Variants in MTREX observed in about 807,000 individuals in gnomAD.
MTREX encodes the protein Mtr4 exosome RNA helicase.
In MTREX, 76 loss-of-function variants were observed where a neutral mutation model predicts 135.4. That is an observed-to-expected ratio of 0.56 (90% CI 0.47 to 0.68). MTREX has a LOEUF of 0.68. MTREX is among the 30% of genes least tolerant of loss of function. MTREX has a pLI of 0.00. For synonymous variants in MTREX, 404 were observed against 401.6 expected (o/e 1.01, Z -0.07); for missense variants, 920 against 1,262.1 (o/e 0.73, Z 4.11).
chr5:55,408,283 C>T (rs1333667408), intron 22 of MTREX, among the ~76,000 whole-genome samples: 1 of 152,154 alleles, frequency 6.6e-6, no homozygotes, highest in Non-Finnish European at 1.5e-5. Context: ...CTCTGAACTT[C>T]TTCAATCTGG....
intron 2 of MTREX, among the ~76,000 whole-genome samples, chr5:55,323,181 A>G (rs879113754): frequency 1.3e-5 from 2 of 152,070 alleles, no homozygotes; most frequent in Admixed American, 1.3e-4. Flanking sequence ...AAGATGCACC[A>G]TTTTCCCAGG....
At chr5:55,383,076 A>G (rs2112103912) in intron 18 of MTREX, among the ~76,000 whole-genome samples, 1 of 152,290 alleles carries the variant, frequency 6.6e-6, no homozygotes, top group East Asian at 1.9e-4. Flanking sequence ...TACTGCCTTA[A>G]CCTTAAACAG....
At chr5:55,405,855 T>C (rs891049271) in intron 22 of MTREX, among the ~76,000 whole-genome samples, 1 of 152,172 alleles carries the variant, frequency 6.6e-6, no homozygotes, top group Non-Finnish European at 1.5e-5. Flanking sequence ...ATTGAGAAAT[T>C]AGAAAAATCT....
In MTREX at chr5:55,365,612, T is replaced by C. The variant is rs1394373383; in HGVS notation, c.1660-1113T>C. 2.6e-5 allele frequency among the ~76,000 whole-genome samples: 4 copies of C among 152,232 alleles called. No individual in the cohort carries two copies. In the East Asian group the frequency reaches 5.8e-4, roughly 22 times the overall value. On this transcript the variant is annotated intron_variant, in intron 15 of 26. Transcript: ENST00000230640. ...ATAGTGATACTGCACTTCTAAATGTTTCTACATGTATCGTCCGAGAATTTG... is the reference window on the plus strand; with the variant it reads ...ATAGTGATACTGCACTTCTAAATGTCTCTACATGTATCGTCCGAGAATTTG...
rs761926439 is a variant in MTREX at position 55,379,129 on chromosome 5, A to G, written c.1986A>G (p.Val662=). The change falls in exon 18 of 27, where the codon GTA becomes GTG. Residue 662 remains valine, a splice_region_variant and synonymous_variant. Transcript: ENST00000230640. ...PFLQPGRLVK[V]KNEGDDFGWG... is the part of the protein sequence containing the mutation. ...TACTTGCTTTTCTTTCTTTTTAGGT[A>G]AAGAATGAAGGAGATGACTTTGGCT... 3.7e-6 allele frequency: 6 copies of G among 1,607,324 alleles called. No homozygotes were observed. Among genetic ancestry groups the G allele is most frequent in the Non-Finnish European group, 5.1e-6 (6 of 1,176,112 alleles).
intron 18 of MTREX, among the ~76,000 whole-genome samples, chr5:55,381,135 A>AC (rs2112102050): frequency 6.6e-6 from 1 of 152,000 alleles, no homozygotes; most frequent in South Asian, 2.1e-4. Flanking sequence ...TTCATATCTG[A>AC]CCTAGTAGTT....
At chr5:55,343,784 T>C (rs1428319179) in intron 8 of MTREX, among the ~76,000 whole-genome samples, 1 of 152,174 alleles carries the variant, frequency 6.6e-6, no homozygotes, top group Non-Finnish European at 1.5e-5. Context: ...TATCCATGAG[T>C]ACACAGAATT....
chr5:55,325,342 T>TTG (rs1749360699), intron 3 of MTREX, among the ~76,000 whole-genome samples: 1 of 149,684 alleles, frequency 6.7e-6, no homozygotes, highest in African/African-American at 2.5e-5. Flanking sequence ...TTTTTTTGTT[T>TTG]TTTTTTTTTT....
chr5:55,332,313 T>TA (rs1223036136), intron 5 of MTREX, among the ~76,000 whole-genome samples: 1 of 152,220 alleles, frequency 6.6e-6, no homozygotes, highest in Non-Finnish European at 1.5e-5. Flanking sequence ...ATTTATAACA[T>TA]ATTTCTCTAT....
At position 55,324,158 on chromosome 5, in the gene MTREX, A is replaced by G; in HGVS notation, c.299A>G (p.Lys100Arg). 2 of 1,611,586 alleles carry G rather than the reference A, an allele frequency of 1.2e-6. No homozygotes were observed. The highest frequency in any genetic ancestry group is 1.7e-6 in the Non-Finnish European group (2 of 1,178,714). The change falls in exon 3 of 27, where the codon AAG (lysine) becomes AGG (arginine). Residue 100 changes from lysine (K) to arginine (R), a missense_variant. By Grantham distance (26) the Lys-to-Arg change is conservative (BLOSUM62 2). Coordinates refer to ENST00000230640, the MANE Select transcript of MTREX (RefSeq NM_015360.5). ...LSLADLMPRV[K>R]VQSVETVEGC... ...TTGGCAGACCTGATGCCCAGAGTCA[A>G]GGTACAATCAGTTGAAACTGTTGAA... is the stretch of plus-strand genomic sequence containing the variant.
intron 5 of MTREX, among the ~76,000 whole-genome samples, chr5:55,338,790 T>TTTTC (rs1749595602): frequency 7.3e-6 from 1 of 137,372 alleles, no homozygotes; most frequent in Non-Finnish European, 1.6e-5. Flanking sequence ...CTTTTTCTTT[T>TTTTC]TTTTTTTTTT....
intron 22 of MTREX, among the ~76,000 whole-genome samples, chr5:55,408,986 CTG>C (rs1750848003): frequency 6.6e-6 from 1 of 151,746 alleles, no homozygotes; most frequent in African/African-American, 2.4e-5. Context: ...AGGTCTAGCT[CTG>C]TCACCCAGGC....
chr5:55,424,700 C>T lies in MTREX; in HGVS notation c.3077-20C>T, dbSNP rs1421532944. 7.5e-6 allele frequency: 12 copies of T among 1,595,550 alleles called. No homozygotes were observed. The highest frequency in any genetic ancestry group is 1.0e-5 in the Non-Finnish European group (12 of 1,163,656). ...GTTTTGTGGTCTTGAAAGTTTAAAC[C>T]TTACTTTCTTTTCTCTTAGGAATCA... is the stretch of plus-strand genomic sequence containing the variant. On this transcript the variant is annotated intron_variant, in intron 26 of 26. Transcript: ENST00000230640.
At chr5:55,321,272 T>C (rs890287956) in intron 1 of MTREX, among the ~76,000 whole-genome samples, 1 of 152,182 alleles carries the variant, frequency 6.6e-6, no homozygotes, top group Non-Finnish European at 1.5e-5. Flanking sequence ...TGACCTGATA[T>C]CTGATTTACA....
intron 16 of MTREX, among the ~76,000 whole-genome samples, chr5:55,372,733 GTAAC>G (rs1461784903): frequency 6.6e-6 from 1 of 152,058 alleles, no homozygotes; most frequent in Non-Finnish European, 1.5e-5. Context: ...TATACAAAAA[GTAAC>G]TCAGATAAAG....
At chr5:55,391,914 T>C (rs1750573410) in intron 19 of MTREX, among the ~76,000 whole-genome samples, 1 of 152,186 alleles carries the variant, frequency 6.6e-6, no homozygotes, top group Admixed American at 6.5e-5. Flanking sequence ...AGGTCAGGAC[T>C]TAAATATTAA....
At chr5:55,399,663 A>G (rs1435484505) in intron 20 of MTREX, among the ~76,000 whole-genome samples, 1 of 151,618 alleles carries the variant, frequency 6.6e-6, no homozygotes, top group Non-Finnish European at 1.5e-5. Context: ...AATTTTTTGT[A>G]TTTTTAGTAG....
chr5:55,318,357 A>G (rs566969810), intron 1 of MTREX, among the ~76,000 whole-genome samples: 2 of 152,322 alleles, frequency 1.3e-5, no homozygotes, highest in South Asian at 4.2e-4. Flanking sequence ...TAGCAAAGAC[A>G]TGGAATCAAC....
At chr5:55,374,550 A>G (rs1224104816) in intron 16 of MTREX, among the ~76,000 whole-genome samples, 3 of 151,960 alleles carry the variant, frequency 2.0e-5, no homozygotes, top group African/African-American at 4.8e-5. Context: ...CAGCCTCCCA[A>G]GAGTGTTGGG....
Sources: allele counts gnomAD v4.1 joint callset (sites outside exome capture counted in the v4.1 genomes callset), GRCh38; gene constraint gnomAD v4.1.1; transcripts MANE v1.5; gene names NCBI Gene and HGNC (gene_info 2026-07-23, HGNC 2026-07-21).